ROBO2: variants seen among roughly 807,000 people sequenced by gnomAD.
ROBO2 encodes roundabout guidance receptor 2.
In ROBO2, 53 loss-of-function variants were observed where a neutral mutation model predicts 160.8. That is an observed-to-expected ratio of 0.33 (90% CI 0.26 to 0.41). The LOEUF (loss-of-function observed/expected upper bound fraction) is 0.41. ROBO2 is among the 10% of genes least tolerant of loss of function. The probability of loss-of-function intolerance (pLI) is 1.00; values close to 1 mark genes in which losing one functional copy is unlikely to be tolerated. For synonymous variants in ROBO2, 664 were observed against 611.7 expected (o/e 1.09, Z -1.26); for missense variants, 1,577 against 1,722.4 (o/e 0.92, Z 1.49).
chr3:75,986,928 A>C (rs2065431112), intron 2 of ROBO2, among the ~76,000 whole-genome samples: 1 of 151,698 alleles, frequency 6.6e-6, no homozygotes, highest in Non-Finnish European at 1.5e-5. Flanking sequence ...TCATTGGCCT[A>C]TAAGTCTGTC....
rs1260592420 is a variant in ROBO2, at chr3:77,493,478, T to A, written c.806+96T>A. The stretch of plus-strand genomic sequence containing the variant: ...AATGCCACCACCAAACACTCCTATG[T>A]CTTGGGGTACTTTCACTCATGTGAT... On this transcript the variant is annotated intron_variant, in intron 5 of 25. Transcript: ENST00000461745. 5 of 1,343,430 alleles carry A rather than the reference T, an allele frequency of 3.7e-6. No individual in the cohort carries two copies. In the African/African-American group the frequency reaches 4.4e-5, roughly 12 times the overall value. The allele number at this position is 1,343,430 out of a possible 1,614,324, so 83.2% of individuals were successfully genotyped here. A position where few individuals can be genotyped will look rare whatever the true frequency, so the allele number is the denominator to read the frequency against.
intron 2 of ROBO2, among the ~76,000 whole-genome samples, chr3:76,693,155 G>GTC (rs1280533308): frequency 7.0e-6 from 1 of 143,650 alleles, no homozygotes; most frequent in African/African-American, 2.6e-5. Flanking sequence ...ACATACATAA[G>GTC]TCTCTCTCTC....
intron 2 of ROBO2, among the ~76,000 whole-genome samples, chr3:76,144,034 A>G (rs1164455435): frequency 2.0e-5 from 3 of 151,912 alleles, no homozygotes; most frequent in Non-Finnish European, 2.9e-5. Context: ...AGCTTCACTC[A>G]GTCTACTGAT....
intron 2 of ROBO2, among the ~76,000 whole-genome samples, chr3:76,370,612 G>A (rs181471684): frequency 1.3e-5 from 2 of 151,846 alleles, no homozygotes; most frequent in African/African-American, 4.8e-5. Flanking sequence ...AGAAAATAAG[G>A]GAATATTGGA....
At chr3:76,812,055 C>T (rs908483781) in intron 2 of ROBO2, among the ~76,000 whole-genome samples, 4 of 151,380 alleles carry the variant, frequency 2.6e-5, no homozygotes, top group Admixed American at 2.0e-4. Context: ...ATTTTTAGTG[C>T]AGACAGGGTT....
chr3:76,445,625 A>G (rs572784627), intron 2 of ROBO2, among the ~76,000 whole-genome samples: 1 of 152,192 alleles, frequency 6.6e-6, no homozygotes, highest in African/African-American at 2.4e-5. Context: ...ATGAACATCA[A>G]TGCAAAAATC....
intron 2 of ROBO2, among the ~76,000 whole-genome samples, chr3:76,182,896 T>G (rs1414311908): frequency 6.6e-6 from 1 of 152,162 alleles, no homozygotes; most frequent in African/African-American, 2.4e-5. Flanking sequence ...TGTCTGCTTG[T>G]TCCTGGTGTC....
At chr3:77,158,311 T>C (rs929793811) in intron 2 of ROBO2, among the ~76,000 whole-genome samples, 1 of 152,076 alleles carries the variant, frequency 6.6e-6, no homozygotes, top group Admixed American at 6.6e-5. Context: ...ATGGCCCCTG[T>C]TATTAATGTT....
At chr3:75,990,010 G>A (rs1049769093) in intron 2 of ROBO2, among the ~76,000 whole-genome samples, 1 of 152,140 alleles carries the variant, frequency 6.6e-6, no homozygotes, top group African/African-American at 2.4e-5. Context: ...TATCTCAACT[G>A]TATTGCATAA....
intron 2 of ROBO2, among the ~76,000 whole-genome samples, chr3:76,678,912 A>G (rs1167363554): frequency 1.3e-5 from 2 of 152,176 alleles, no homozygotes; most frequent in Admixed American, 1.3e-4. Context: ...GAAATATAGG[A>G]TGTCCTCATT....
chr3:77,160,807 A>G (rs2078422514), intron 2 of ROBO2, among the ~76,000 whole-genome samples: 1 of 152,184 alleles, frequency 6.6e-6, no homozygotes, highest in Admixed American at 6.5e-5. Context: ...GTTACAGTTT[A>G]TATTGACCTC....
rs140700011 is a variant in ROBO2, at chr3:76,307,833, G to A, written c.109+370231G>A. Among the ~76,000 whole-genome samples the A allele has an allele frequency of 3.2e-3, 491 of 152,072 alleles. 6 individuals are homozygous for A. Among genetic ancestry groups the A allele is most frequent in the African/African-American group, 0.011 (477 of 41,504 alleles). The stretch of plus-strand genomic sequence containing the variant: ...CATGAAAATAAAGAAAACCTCTAAA[G>A]CACTTAAAACCTCACATATATTGAG... On this transcript the variant is annotated intron_variant, in intron 2 of 26. Transcript: ENST00000487694.
intron 1 of ROBO2, among the ~76,000 whole-genome samples, chr3:75,917,615 G>T (rs1158918487): frequency 1.3e-5 from 2 of 152,154 alleles, no homozygotes; most frequent in Non-Finnish European, 2.9e-5. Flanking sequence ...TCACCACATT[G>T]TCTTCCACAA....
At chr3:76,749,010 A>T (rs2093936825) in intron 2 of ROBO2, among the ~76,000 whole-genome samples, 2 of 151,876 alleles carry the variant, frequency 1.3e-5, no homozygotes, top group East Asian at 1.9e-4. Flanking sequence ...ATACACTAAA[A>T]ATAATGCTAT....
At chr3:77,601,004 C>T (rs946703684) in intron 19 of ROBO2, among the ~76,000 whole-genome samples, 16 of 152,146 alleles carry the variant, frequency 1.1e-4, no homozygotes, top group African/African-American at 3.9e-4. Flanking sequence ...AAACAAGCTC[C>T]AAACTTCAAA....
intron 2 of ROBO2, among the ~76,000 whole-genome samples, chr3:77,358,020 G>A (rs1336278398): frequency 6.6e-6 from 1 of 152,134 alleles, no homozygotes; most frequent in African/African-American, 2.4e-5. Context: ...TGTGTTCCTC[G>A]TTGGAAATGC....
chr3:76,740,503 G>A (rs17014623), intron 2 of ROBO2, among the ~76,000 whole-genome samples: 2,883 of 152,204 alleles, frequency 0.019, 78 homozygotes, highest in African/African-American at 0.061. Context: ...AAGCTTGACC[G>A]ATGTGTTGAA....
chr3:76,402,302 T>G (rs2077875031), intron 2 of ROBO2, among the ~76,000 whole-genome samples: 1 of 151,598 alleles, frequency 6.6e-6, no homozygotes, highest in African/African-American at 2.4e-5. Flanking sequence ...CATATGTTGA[T>G]CCACACACAT....
At chr3:76,206,595 A>G (rs1456050867) in intron 2 of ROBO2, among the ~76,000 whole-genome samples, 1 of 152,078 alleles carries the variant, frequency 6.6e-6, no homozygotes, top group Non-Finnish European at 1.5e-5. Flanking sequence ...ACGTGCATAT[A>G]GACACTCCCA....
Sources: gnomAD v4.1 joint callset for allele counts (sites outside exome capture counted in the v4.1 genomes callset) on GRCh38, gnomAD v4.1.1 for gene constraint, MANE v1.5 for transcripts, NCBI Gene and HGNC (gene_info 2026-07-23, HGNC 2026-07-21) for gene names.